CFAP70: variants seen among roughly 807,000 people sequenced by gnomAD.
The protein encoded by CFAP70 is cilia- and flagella-associated protein 70.
Under a neutral mutation model 137.6 loss-of-function variants are expected in CFAP70, and 81 were observed. The ratio of observed to expected loss-of-function variants is 0.59; its 90% confidence interval spans 0.49 to 0.71. The LOEUF (loss-of-function observed/expected upper bound fraction) is 0.71. CFAP70 is among the 30% of genes least tolerant of loss of function. The pLI, the probability that CFAP70 is intolerant of heterozygous loss-of-function variation, is 0.00. For synonymous variants in CFAP70, 382 were observed against 423.6 expected, an observed-to-expected ratio of 0.90 and a Z score of 1.20; for missense variants, 976 against 1,226.7, an observed-to-expected ratio of 0.80 and a Z score of 3.05.
At chr10:73,348,442 G>A in exon 4 of CFAP70, 1 of 1,595,298 alleles carries the variant, frequency 6.3e-7, no homozygotes, top group South Asian at 1.1e-5. Flanking sequence ...AGGGAAGAAG[G>A]TCCACCACAG....
chr10:73,291,422 G>A (rs771577971), exon 19 of CFAP70: 2 of 1,614,084 alleles, frequency 1.2e-6, no homozygotes, highest in South Asian at 2.2e-5. Context: ...GAATATCATT[G>A]TTTTGAATTT....
At chr10:73,279,487 G>C (rs906089037) in intron 19 of CFAP70, among the ~76,000 whole-genome samples, 10 of 151,310 alleles carry the variant, frequency 6.6e-5, no homozygotes, top group Non-Finnish European at 1.5e-4. Context: ...TGGTGCCACT[G>C]CACTCCAGCC....
rs558301389 is a variant in CFAP70, at chr10:73,299,762, G to A, written c.1257-97C>T. ...TCTTATCCTCAAAGTGTCTGGGTGG[G>A]GGAGATCTGAGGTCTGTTCCCCCAC... On this transcript the variant is annotated intron_variant, in intron 12 of 26. Coordinates refer to ENST00000310715, the Ensembl canonical transcript of CFAP70. The A allele has an allele frequency of 5.9e-5, 57 of 966,932 alleles. No individual in the cohort carries two copies. The African/African-American group carries it at 8.8e-4, about 15-fold the overall frequency. The allele number at this position is 966,932 out of a possible 1,614,324, so 59.9% of individuals were successfully genotyped here.
chr10:73,300,444 G>T (rs2048863548), intron 12 of CFAP70, among the ~76,000 whole-genome samples: 1 of 151,590 alleles, frequency 6.6e-6, no homozygotes, highest in Non-Finnish European at 1.5e-5. Flanking sequence ...ATTTAAATAG[G>T]TAATCTATTT....
In CFAP70 at chr10:73,349,542, C is replaced by CAA. The variant is rs537930658; in HGVS notation, c.251-1023_251-1022dup. Among the ~76,000 whole-genome samples the CAA allele has an allele frequency of 3.9e-3, 435 of 111,886 alleles. 1 individual carries two copies. Among genetic ancestry groups the CAA allele is most frequent in the African/African-American group, 0.013 (419 of 31,056 alleles). 73.4% of individuals were successfully genotyped at this position (111,886 alleles called of 152,430 possible). Reference sequence around the variant, plus strand: ...TGGGCGACAGAGCGAGACTCCGTCTCAAAAAAAAAAAAAAGAAAAAGAAAA... The same window carrying CAA: ...TGGGCGACAGAGCGAGACTCCGTCTCAAAAAAAAAAAAAAAAGAAAAAGAAAA... On this transcript the variant is annotated intron_variant, in intron 3 of 26. Coordinates refer to ENST00000310715, the Ensembl canonical transcript of CFAP70.
At chr10:73,360,321 A>C (rs2132616821), upstream of CFAP70, among the ~76,000 whole-genome samples, 1 of 152,312 alleles carries the variant, frequency 6.6e-6, no homozygotes, top group South Asian at 2.1e-4. Context: ...CCAGAAAAAG[A>C]CTAACAAGGG....
exon 3 of CFAP70, chr10:73,353,615 A>T: frequency 6.2e-7 from 1 of 1,614,194 alleles, no homozygotes; most frequent in East Asian, 2.2e-5. Flanking sequence ...ATTAAACTCA[A>T]AACTGCTAGT....
intron 19 of CFAP70, among the ~76,000 whole-genome samples, chr10:73,288,083 A>G (rs973722946): frequency 2.0e-5 from 3 of 152,022 alleles, no homozygotes; most frequent in Non-Finnish European, 2.9e-5. Context: ...TTTTTAGTAG[A>G]GACGGGTTTC....
At chr10:73,290,887 T>C (rs1412015280) in intron 19 of CFAP70, among the ~76,000 whole-genome samples, 1 of 152,190 alleles carries the variant, frequency 6.6e-6, no homozygotes, top group African/African-American at 2.4e-5. Context: ...GAGGAAATAT[T>C]TAGAAGTTCA....
At chr10:73,286,418 T>G (rs2047716605) in intron 19 of CFAP70, among the ~76,000 whole-genome samples, 1 of 152,100 alleles carries the variant, frequency 6.6e-6, no homozygotes. Flanking sequence ...CACTCCAGCC[T>G]GGGTAACAGA....
chr10:73,310,278 C>T, intron 11 of CFAP70, 29 bp from the exon 13 acceptor site: 1 of 1,508,100 alleles, frequency 6.6e-7, no homozygotes, highest in Non-Finnish European at 9.1e-7. Flanking sequence ...CTTATTATTT[C>T]CAGAAAAAAA....
intron 25 of CFAP70, among the ~76,000 whole-genome samples, chr10:73,257,538 G>C (rs371863689): frequency 2.6e-5 from 4 of 152,282 alleles, no homozygotes; most frequent in African/African-American, 7.2e-5. Flanking sequence ...GTCTGAAGGG[G>C]ACCTGGGGAA....
chr10:73,313,295 C>G (rs2050076171), intron 9 of CFAP70, among the ~76,000 whole-genome samples: 1 of 149,390 alleles, frequency 6.7e-6, no homozygotes, highest in South Asian at 2.1e-4. Flanking sequence ...TGGTGTGAAC[C>G]TGGGAGGCGG....
intron 4 of CFAP70, among the ~76,000 whole-genome samples, chr10:73,345,715 G>A (rs1308810443): frequency 6.6e-6 from 1 of 151,894 alleles, no homozygotes; most frequent in Admixed American, 6.6e-5. Flanking sequence ...TGAGGCAGGA[G>A]AATCGCTTGA....
rs571984505 is a variant in CFAP70 at position 73,264,473 on chromosome 10, A to T, written c.3027+5141T>A. On this transcript the variant is annotated intron_variant, in intron 25 of 26. Transcript: ENST00000310715. ...AGCTCTTATCAGTATCTCCCATTCT[A>T]ATCCACCACTACAAGGTCATTCTAT... 1.5e-4 allele frequency among the ~76,000 whole-genome samples: 23 copies of T among 152,332 alleles called. No individual in the cohort carries two copies. In the South Asian group the frequency reaches 4.8e-3, roughly 32 times the overall value.
intron 24 of CFAP70, among the ~76,000 whole-genome samples, chr10:73,271,691 T>C (rs2133736053): frequency 6.6e-6 from 1 of 152,272 alleles, no homozygotes; most frequent in East Asian, 1.9e-4. Context: ...ATATTTTGTA[T>C]CTATTTGTCT....
chr10:73,338,698 G>C (rs1454620443), intron 6 of CFAP70, among the ~76,000 whole-genome samples: 1 of 152,050 alleles, frequency 6.6e-6, no homozygotes, highest in East Asian at 1.9e-4. Context: ...CAAAGTGCTA[G>C]CATTACAGGT....
chr10:73,289,812 G>T (rs541566623), intron 19 of CFAP70, among the ~76,000 whole-genome samples: 1 of 151,922 alleles, frequency 6.6e-6, no homozygotes, highest in Non-Finnish European at 1.5e-5. Flanking sequence ...TTGGGAGGCC[G>T]AGGCAGGCAG....
At chr10:73,329,061 T>C (rs1377673358) in intron 8 of CFAP70, among the ~76,000 whole-genome samples, 1 of 151,980 alleles carries the variant, frequency 6.6e-6, no homozygotes, top group East Asian at 1.9e-4. Context: ...TGCGGCACTA[T>C]TCACAATAGC....
Sources: allele counts gnomAD v4.1 joint callset (sites outside exome capture counted in the v4.1 genomes callset), GRCh38; gene constraint gnomAD v4.1.1; transcripts MANE v1.5; gene names NCBI Gene and HGNC (gene_info 2026-07-23, HGNC 2026-07-21).